DIP2B: variants seen among roughly 807,000 people sequenced by gnomAD.
The protein encoded by DIP2B is disco-interacting protein 2 homolog B.
Under a neutral mutation model 198.0 loss-of-function variants are expected in DIP2B, and 76 were observed. That is an observed-to-expected ratio of 0.38 (90% CI 0.32 to 0.46). The LOEUF (loss-of-function observed/expected upper bound fraction) is 0.46, where lower values mean the gene tolerates loss of function less well. DIP2B is among the 20% of genes least tolerant of loss of function. DIP2B has a pLI of 0.99. For missense variants in DIP2B, 1,559 were observed against 1,978.4 expected (o/e 0.79, Z 4.02); for synonymous variants, 701 against 739.1 (o/e 0.95, Z 0.84).
intron 1 of DIP2B, among the ~76,000 whole-genome samples, chr12:50,507,617 C>A (rs1408882313): frequency 1.3e-5 from 2 of 152,154 alleles, no homozygotes; most frequent in Non-Finnish European, 2.9e-5. Context: ...CCGCAACCTC[C>A]GCCTCCCAGG....
chr12:50,615,630 T>C (rs895689531), intron 1 of DIP2B, among the ~76,000 whole-genome samples: 2 of 152,104 alleles, frequency 1.3e-5, no homozygotes, highest in African/African-American at 4.8e-5. Flanking sequence ...TCTTAGGACT[T>C]AAGGGTGGGG....
intron 12 of DIP2B, among the ~76,000 whole-genome samples, chr12:50,688,736 A>G (rs1164416694): frequency 2.0e-5 from 3 of 152,218 alleles, no homozygotes; most frequent in Non-Finnish European, 4.4e-5. Context: ...CAGTGATGAC[A>G]TGGTTCATCA....
At chr12:50,516,213 ATCTCTCTCTC>A (rs68059796) in intron 1 of DIP2B, among the ~76,000 whole-genome samples, 11 of 128,516 alleles carry the variant, frequency 8.6e-5, no homozygotes, top group South Asian at 2.6e-4. Flanking sequence ...TAGAGGCACC[ATCTCTCTCTC>A]TCTCTCTCTC....
At chr12:50,734,872 AAC>A (rs1940108188) in intron 33 of DIP2B, among the ~76,000 whole-genome samples, 199 bp from the exon 34 acceptor site, 1 of 152,182 alleles carries the variant, frequency 6.6e-6, no homozygotes, top group Non-Finnish European at 1.5e-5. Flanking sequence ...GGTGTTGGTA[AAC>A]ACCGCAATGC....
intron 1 of DIP2B, among the ~76,000 whole-genome samples, chr12:50,573,197 G>A (rs10783373): frequency 0.26 from 39,230 of 152,112 alleles, 5,644 homozygotes; most frequent in East Asian, 0.39. Flanking sequence ...ATACAGCCAC[G>A]TATCCAGAAG....
In DIP2B at chr12:50,683,179, G is replaced by T. The variant is rs1048579920; in HGVS notation, c.1248G>T (p.Met416Ile). ...VYPNNDPVMF[M>I]VAFYGCLLAE... The stretch of plus-strand genomic sequence containing the variant: ...CCAACAATGATCCAGTCATGTTTAT[G>T]GTGGCTTTCTATGGATGCCTCCTGG... The change falls in exon 10 of 38, where the codon ATG becomes ATT. Residue 416 changes from methionine to isoleucine, a missense_variant. Transcript: ENST00000301180. The T allele has an allele frequency of 1.2e-6, 2 of 1,612,810 alleles. No individual in the cohort carries two copies. The highest frequency in any genetic ancestry group is 2.7e-5 in the African/African-American group (2 of 74,884).
chr12:50,525,843 T>C (rs1268133504), intron 1 of DIP2B, among the ~76,000 whole-genome samples: 4 of 152,156 alleles, frequency 2.6e-5, no homozygotes, highest in African/African-American at 9.7e-5. Flanking sequence ...GCTTTTCTTC[T>C]TCCTAGAATG....
At chr12:50,604,050 G>A (rs1958961064) in intron 1 of DIP2B, among the ~76,000 whole-genome samples, 1 of 151,998 alleles carries the variant, frequency 6.6e-6, no homozygotes, top group African/African-American at 2.4e-5. Context: ...TTTGCATCAT[G>A]CAAGCTTCTG....
rs539309801 is a variant in DIP2B, at chr12:50,663,047, C to G, written c.427+2728C>G. Among the ~76,000 whole-genome samples the G allele has an allele frequency of 1.3e-3, 191 of 152,078 alleles. 1 individual carries two copies. The highest frequency in any genetic ancestry group is 9.4e-3 in the South Asian group (45 of 4,810). On this transcript the variant is annotated intron_variant, in intron 4 of 37. Transcript: ENST00000301180. ...TTACTTGAACCCGGGAGGCAGAGGT[C>G]GCAGTGAGCCGAGATCGCGCCATTC...
chr12:50,520,250 C>G (rs978041689), intron 1 of DIP2B, among the ~76,000 whole-genome samples: 2 of 151,970 alleles, frequency 1.3e-5, no homozygotes, highest in Admixed American at 1.3e-4. Flanking sequence ...GTTGGCCAGG[C>G]TGGTCTCAAA....
In DIP2B at chr12:50,718,766, A is replaced by G. The variant is rs2139583291; in HGVS notation, c.2909A>G (p.Gln970Arg). The G allele has an allele frequency of 6.2e-7, 1 of 1,614,186 alleles. No individual in the cohort carries two copies. The highest frequency in any genetic ancestry group is 1.6e-4 in the Middle Eastern group (1 of 6,062). The part of the protein sequence containing the change: ...GNLVAGKRIA[Q>R]AAGRDLGQIE... ...CTGGTTGCTGGAAAACGTATAGCAC[A>G]AGCTGCTGGAAGGGATCTGGGACAA... Residue 970 changes from glutamine to arginine, a missense_variant, in exon 24 of 38, where the codon CAA becomes CGA. By Grantham distance (43) the Gln-to-Arg change is conservative. Transcript: ENST00000301180.
At chr12:50,662,119 T>G (rs1260126153) in intron 4 of DIP2B, among the ~76,000 whole-genome samples, 3 of 152,220 alleles carry the variant, frequency 2.0e-5, no homozygotes, top group Non-Finnish European at 4.4e-5. Context: ...GGCCTAATGT[T>G]CTTGATCATA....
chr12:50,735,171 G>A (rs371153072), intron 34 of DIP2B, 41 bp downstream of exon 34: 3 of 1,610,020 alleles, frequency 1.9e-6, no homozygotes, highest in Non-Finnish European at 1.7e-6. Flanking sequence ...GGGCTGTGTG[G>A]AGAAGTGGTT....
At position 50,640,713 on chromosome 12, in the gene DIP2B, T is replaced by C. The variant is rs1235609594; in HGVS notation, c.173-11T>C. The C allele has an allele frequency of 6.2e-7, 1 of 1,611,572 alleles. No individual in the cohort carries two copies. The highest frequency in any genetic ancestry group is 8.5e-7 in the Non-Finnish European group (1 of 1,178,904). The stretch of plus-strand genomic sequence containing the variant: ...TTACTGGATAACCATCTTTTAAACT[T>C]CCTTTTTTAGAAACTGATTCAGCAG... On this transcript the variant is annotated splice_polypyrimidine_tract_variant and intron_variant, in intron 2 of 37. Coordinates refer to ENST00000301180, the MANE Select transcript of DIP2B (RefSeq NM_173602.3).
intron 2 of DIP2B, among the ~76,000 whole-genome samples, chr12:50,635,709 C>T (rs938191648): frequency 2.0e-5 from 3 of 152,132 alleles, no homozygotes; most frequent in Admixed American, 6.5e-5. Flanking sequence ...ATAATGCCTC[C>T]TGGAGTAGTC....
chr12:50,545,674 CTT>C (rs71441371), intron 1 of DIP2B, among the ~76,000 whole-genome samples: 3 of 139,612 alleles, frequency 2.1e-5, no homozygotes, highest in Non-Finnish European at 3.1e-5. Context: ...TGGAGGCAGA[CTT>C]TTTTTTTTTT....
chr12:50,576,897 C>G (rs754162699), intron 1 of DIP2B, among the ~76,000 whole-genome samples: 1 of 146,550 alleles, frequency 6.8e-6, no homozygotes, highest in Non-Finnish European at 1.5e-5. Context: ...GAGTTTCGGT[C>G]TCGTTGCCCA....
rs74624297 is a variant in DIP2B, at chr12:50,568,441, C to A, written c.101-57535C>A. Among the ~76,000 whole-genome samples the A allele has an allele frequency of 1.5e-4, 23 of 152,238 alleles. No homozygotes were observed. The East Asian group carries it at 4.4e-3, about 29-fold the overall frequency. On this transcript the variant is annotated intron_variant, in intron 1 of 37. Coordinates refer to ENST00000301180, the MANE Select transcript of DIP2B (RefSeq NM_173602.3). The stretch of plus-strand genomic sequence containing the variant: ...AAAAAAGAAGAAAAGGGTATTTAGC[C>A]TGTACTTTTTGGCTTGCCTGGCTCT...
chr12:50,666,534 GA>G (rs1383516832), intron 4 of DIP2B, among the ~76,000 whole-genome samples: 5 of 152,114 alleles, frequency 3.3e-5, no homozygotes, highest in African/African-American at 1.2e-4. Flanking sequence ...GATGAACACT[GA>G]AAAATCAGAA....
Sources: gnomAD v4.1 joint callset for allele counts (sites outside exome capture counted in the v4.1 genomes callset) on GRCh38, gnomAD v4.1.1 for gene constraint, MANE v1.5 for transcripts, NCBI Gene and HGNC (gene_info 2026-07-23, HGNC 2026-07-21) for gene names.